MACF1: variants seen among roughly 807,000 people sequenced by gnomAD.
MACF1 encodes the protein microtubule actin crosslinking factor 1.
In MACF1, 193 loss-of-function variants were observed where a neutral mutation model predicts 854.8. The observed-to-expected ratio is 0.23, with a 90% CI of 0.20 to 0.25. The LOEUF is 0.25. Among genes scored for constraint, MACF1 ranks in the 10% least tolerant of loss-of-function variants. The probability of loss-of-function intolerance (pLI) is 1.00; values close to 1 mark genes in which losing one functional copy is unlikely to be tolerated. For missense variants in MACF1, 7,722 were observed against 8,929.1 expected, an observed-to-expected ratio of 0.86 and a Z score of 5.45; for synonymous variants, 3,185 against 3,226.7, an observed-to-expected ratio of 0.99 and a Z score of 0.44.
rs1386902461 is a variant in MACF1 at position 39,357,407 on chromosome 1, A to G, written c.11457A>G (p.Gln3819=). The change falls in exon 45 of 101, where the codon CAA becomes CAG. Residue 3819 remains glutamine (Q), a synonymous_variant. Coordinates refer to ENST00000564288, the MANE Select transcript of MACF1 (RefSeq NM_001394062.1). ...ARHQELLSQQ[Q]NFILATQSAQ... Reference sequence around the variant, plus strand: ...ACCAAGAATTGCTGTCCCAGCAGCAAAATTTCATTCTGGCCACCCAGTCAG... The same window carrying G: ...ACCAAGAATTGCTGTCCCAGCAGCAGAATTTCATTCTGGCCACCCAGTCAG... 1.2e-6 allele frequency: 2 copies of G among 1,613,276 alleles called. No homozygotes were observed. Among genetic ancestry groups the G allele is most frequent in the Admixed American group, 3.3e-5 (2 of 59,868 alleles).
intron 15 of MACF1, among the ~76,000 whole-genome samples, chr1:39,288,697 G>A (rs543586038): frequency 6.6e-6 from 1 of 152,114 alleles, no homozygotes; most frequent in African/African-American, 2.4e-5. Flanking sequence ...AGGCTGAGGT[G>A]GGAGGATCAC....
At chr1:39,299,233 A>G (rs905481579) in intron 21 of MACF1, 5 of 456,018 alleles carry the variant, frequency 1.1e-5, no homozygotes, top group East Asian at 6.9e-5. Context: ...ATTTCTTCCA[A>G]TCATGCTCCC....
At chr1:39,171,136 G>C (rs976560880) in intron 2 of MACF1, among the ~76,000 whole-genome samples, 1 of 151,922 alleles carries the variant, frequency 6.6e-6, no homozygotes, top group African/African-American at 2.4e-5. Context: ...GAATTTAACA[G>C]ACGTTGGGAC....
At chr1:39,250,803 A>AGTTCTTCTACTTGCTTTGAGG (rs1553184183) in intron 3 of MACF1, among the ~76,000 whole-genome samples, 2 of 152,184 alleles carry the variant, frequency 1.3e-5, no homozygotes, top group Non-Finnish European at 2.9e-5. Context: ...GCCAAATGAT[A>AGTTCTTCTACTTGCTTTGAGG]GTTCTTCTAC....
chr1:39,157,491 A>C (rs1317675372), intron 2 of MACF1, among the ~76,000 whole-genome samples: 2 of 152,168 alleles, frequency 1.3e-5, no homozygotes, highest in African/African-American at 2.4e-5. Flanking sequence ...AAAAACTTCA[A>C]ATCTTGGTGG....
intron 58 of MACF1, among the ~76,000 whole-genome samples, chr1:39,397,555 C>G (rs990441836): frequency 2.0e-5 from 3 of 150,398 alleles, no homozygotes; most frequent in Non-Finnish European, 4.4e-5. Flanking sequence ...AGCGAAACTT[C>G]GTTCCAAAAA....
intron 95 of MACF1, among the ~76,000 whole-genome samples, chr1:39,466,615 C>G (rs547105197): frequency 6.6e-6 from 1 of 152,322 alleles, no homozygotes; most frequent in South Asian, 2.1e-4. Context: ...AAGAGCACTG[C>G]TCTTGGGTGG....
chr1:39,255,613 TTC>T (rs1208038835), intron 5 of MACF1, among the ~76,000 whole-genome samples: 1 of 152,256 alleles, frequency 6.6e-6, no homozygotes, highest in African/African-American at 2.4e-5. Context: ...TTCTTGTTAT[TTC>T]TCTGTTTGCT....
intron 95 of MACF1, among the ~76,000 whole-genome samples, chr1:39,466,104 A>C (rs1035170375): frequency 6.6e-6 from 1 of 152,208 alleles, no homozygotes; most frequent in Non-Finnish European, 1.5e-5. Flanking sequence ...TACACAGGCA[A>C]CTGAGGCCTC....
chr1:39,175,679 G>A (rs1009718057), intron 2 of MACF1, among the ~76,000 whole-genome samples: 1 of 152,032 alleles, frequency 6.6e-6, no homozygotes. Flanking sequence ...ACTGCCGGGG[G>A]CAGTGGCTCA....
chr1:39,480,132 A>C (rs889003361), intron 98 of MACF1, 123 bp downstream of exon 98: 8 of 580,676 alleles, frequency 1.4e-5, no homozygotes, highest in Non-Finnish European at 2.3e-5. Context: ...CATGTTTTCT[A>C]TTTTAGAAAT....
chr1:39,138,072 CAAA>C lies in MACF1; in HGVS notation c.220+53655_220+53657del, dbSNP rs1213606775. 4.0e-3 allele frequency among the ~76,000 whole-genome samples: 200 copies of C among 50,324 alleles called. 1 individual carries two copies. The highest frequency in any genetic ancestry group is 0.014 in the African/African-American group (194 of 14,106). 33.0% of individuals were successfully genotyped at this position (50,324 alleles called of 152,430 possible). A position where few individuals can be genotyped will look rare whatever the true frequency, so the allele number is the denominator to read the frequency against. On this transcript the variant is annotated intron_variant, in intron 2 of 93. Transcript: ENST00000361689. ...CTGGGTAACAGTCGAGACTCCATCT[CAAA>C]AAAAAAAAAAAAAAAAAAAAGTCTG...
intron 58 of MACF1, among the ~76,000 whole-genome samples, chr1:39,401,391 A>G (rs1438169539): frequency 6.6e-6 from 1 of 152,230 alleles, no homozygotes; most frequent in East Asian, 1.9e-4. Context: ...TACAATGGCA[A>G]CTACTAAGTC....
chr1:39,181,169 A>G (rs954062644), intron 2 of MACF1, among the ~76,000 whole-genome samples: 5 of 152,206 alleles, frequency 3.3e-5, no homozygotes, highest in African/African-American at 1.2e-4. Context: ...TGGCCTTCCA[A>G]AGTGCTGGGA....
intron 71 of MACF1, 128 bp downstream of exon 71, chr1:39,438,136 A>T (rs1004320360): frequency 1.9e-5 from 16 of 822,286 alleles, no homozygotes; most frequent in Non-Finnish European, 3.0e-5. Context: ...TGAGTATTCC[A>T]GAAAGTCACT....
At chr1:39,221,311 TAGAG>T (rs144313415) in intron 1 of MACF1, among the ~76,000 whole-genome samples, 3,483 of 152,276 alleles carry the variant, frequency 0.023, 83 homozygotes, top group East Asian at 0.13. Flanking sequence ...GGATTTTGAA[TAGAG>T]AGAGAGGTGA....
At chr1:39,188,972 A>G (rs531733737) in intron 2 of MACF1, among the ~76,000 whole-genome samples, 85 of 152,190 alleles carry the variant, frequency 5.6e-4, no homozygotes, top group Non-Finnish European at 9.1e-4. Context: ...TCTTGAGCTC[A>G]GGTGATCCAC....
intron 58 of MACF1, among the ~76,000 whole-genome samples, chr1:39,405,206 C>T (rs750866802): frequency 1.3e-5 from 2 of 152,114 alleles, no homozygotes; most frequent in African/African-American, 2.4e-5. Context: ...TGAGCCACTC[C>T]GTAGCCATGT....
At chr1:39,359,356 G>T in intron 47 of MACF1, 92 bp downstream of exon 47, 2 of 1,413,670 alleles carry the variant, frequency 1.4e-6, no homozygotes, top group South Asian at 1.3e-5. Flanking sequence ...GCAAATATCT[G>T]TGGTGCCAGG....
Sources: allele counts gnomAD v4.1 joint callset (sites outside exome capture counted in the v4.1 genomes callset), GRCh38; gene constraint gnomAD v4.1.1; transcripts MANE v1.5; gene names NCBI Gene and HGNC (gene_info 2026-07-23, HGNC 2026-07-21).